The following MED26 variants were observed in gnomAD, a reference collection of about 807,000 sequenced individuals.
MED26 encodes mediator of RNA polymerase II transcription subunit 26.
In MED26, 7 loss-of-function variants were observed where a neutral mutation model predicts 43.7. The ratio of observed to expected loss-of-function variants is 0.16; its 90% CI spans 0.09 to 0.30. The LOEUF is 0.30. Ranked by LOEUF, MED26 falls within the 10% of genes least tolerant of loss-of-function variation. The pLI is 1.00. For missense variants in MED26, 784 were observed against 840.6 expected, an observed-to-expected ratio of 0.93 and a Z score of 0.83; for synonymous variants, 375 against 371.1, an observed-to-expected ratio of 1.01 and a Z score of -0.12.
chr19:16,609,660 T>C (rs2086190642), intron 1 of MED26, among the ~76,000 whole-genome samples: 1 of 151,850 alleles, frequency 6.6e-6, no homozygotes, highest in African/African-American at 2.4e-5. Context: ...GCTTCATTAT[T>C]TTGAAGTGCT....
chr19:16,590,124 G>A (rs999160326), intron 1 of MED26, among the ~76,000 whole-genome samples: 2 of 151,382 alleles, frequency 1.3e-5, no homozygotes, highest in Non-Finnish European at 3.0e-5. Context: ...AGTGTCCCCA[G>A]GAAGAAGTGA....
At chr19:16,594,620 G>A (rs942737699) in intron 1 of MED26, among the ~76,000 whole-genome samples, 1 of 152,124 alleles carries the variant, frequency 6.6e-6, no homozygotes, top group African/African-American at 2.4e-5. Context: ...CATGGAGAAG[G>A]TTCATTTTTC....
At chr19:16,621,378 C>T (rs556994392) in intron 1 of MED26, among the ~76,000 whole-genome samples, 49 of 152,344 alleles carry the variant, frequency 3.2e-4, no homozygotes, top group African/African-American at 1.2e-3. Context: ...CGTCTTGCAG[C>T]CTCTGCTGCC....
chr19:16,604,385 C>T (rs1477951510), intron 1 of MED26, among the ~76,000 whole-genome samples: 1 of 152,228 alleles, frequency 6.6e-6, no homozygotes, highest in Non-Finnish European at 1.5e-5. Context: ...AGGCCTTTAG[C>T]TGTAACTCAA....
At chr19:16,598,014 T>C (rs1474764094) in intron 1 of MED26, among the ~76,000 whole-genome samples, 1 of 151,520 alleles carries the variant, frequency 6.6e-6, no homozygotes, top group African/African-American at 2.4e-5. Flanking sequence ...CGCAAGCCAT[T>C]GTGCCCAGCC....
At chr19:16,602,172 C>T (rs1410435270) in intron 1 of MED26, among the ~76,000 whole-genome samples, 1 of 152,200 alleles carries the variant, frequency 6.6e-6, no homozygotes, top group African/African-American at 2.4e-5. Flanking sequence ...TGGCAGATCA[C>T]GCTGTACCCA....
At position 16,576,771 on chromosome 19, in the gene MED26, C is replaced by G. The variant is rs2086004652; in HGVS notation, c.1059G>C (p.Gly353=). ...EQPESHQRLA[G]PGCKAGLSPA... ...GGGACAGCCCTGCCTTGCAGCCCGG[C>G]CCCGCCAGCCGCTGGTGGCTCTCAG... The change falls in exon 3 of 3, where the codon GGG becomes GGC. Residue 353 remains glycine, a synonymous_variant. Coordinates refer to ENST00000263390, the MANE Select transcript of MED26 (RefSeq NM_004831.5). The surrounding 1 kb of genome is among the most constrained non-coding windows in gnomAD (Gnocchi z 6.8). 6.2e-7 allele frequency: 1 copy of G among 1,606,604 alleles called. No individual in the cohort carries two copies. Among genetic ancestry groups the G allele is most frequent in the Non-Finnish European group, 8.5e-7 (1 of 1,178,748 alleles).
At chr19:16,615,163 A>T (rs2086218385) in intron 1 of MED26, among the ~76,000 whole-genome samples, 1 of 152,210 alleles carries the variant, frequency 6.6e-6, no homozygotes, top group African/African-American at 2.4e-5. Flanking sequence ...TGCCTGCAAT[A>T]GTCAGAAGAC....
intron 1 of MED26, among the ~76,000 whole-genome samples, chr19:16,603,462 C>CT (rs1487746257): frequency 6.6e-6 from 1 of 151,906 alleles, no homozygotes; most frequent in Admixed American, 6.6e-5. Flanking sequence ...TGCTTGAGGG[C>CT]TTTTTTTAAA....
chr19:16,605,331 T>C (rs2086167725), intron 1 of MED26, among the ~76,000 whole-genome samples: 1 of 152,138 alleles, frequency 6.6e-6, no homozygotes, highest in African/African-American at 2.4e-5. Flanking sequence ...GGAAAGTCCC[T>C]AAGTATGGTT....
At position 16,587,798 on chromosome 19, in the gene MED26, C is replaced by T. The variant is rs1329089081; in HGVS notation, c.73-9389G>A. The stretch of plus-strand genomic sequence containing the variant: ...TCAGCCCGGGGGACGGGAAATGCCA[C>T]CTGAGTACAGGCAGCACGCGGAGCC... On this transcript the variant is annotated intron_variant, in intron 1 of 2. Transcript: ENST00000263390. This position sits in a 1 kb window ranked among gnomAD's most constrained non-coding sequence, Gnocchi z 4.9. 6.6e-6 allele frequency: 1 copy of T among 152,296 alleles called. No homozygotes were observed. Among genetic ancestry groups the T allele is most frequent in the African/African-American group, 2.4e-5 (1 of 41,464 alleles). The allele number at this position is 152,296 out of a possible 1,614,324, so 9.4% of individuals were successfully genotyped here. A position where few individuals can be genotyped will look rare whatever the true frequency, so the allele number is the denominator to read the frequency against.
At chr19:16,582,206 G>C (rs1054540987) in intron 1 of MED26, among the ~76,000 whole-genome samples, 3 of 152,246 alleles carry the variant, frequency 2.0e-5, no homozygotes, top group African/African-American at 7.2e-5. Flanking sequence ...CAGAGCTAAG[G>C]ATGGGGGCAA....
chr19:16,601,062 C>A (rs1298602373), intron 1 of MED26, among the ~76,000 whole-genome samples: 1 of 152,016 alleles, frequency 6.6e-6, no homozygotes, highest in Non-Finnish European at 1.5e-5. Context: ...TGCACTCCAG[C>A]CCTTTTACAA....
chr19:16,582,654 CCTG>C (rs1196055660), intron 1 of MED26, among the ~76,000 whole-genome samples: 1 of 152,204 alleles, frequency 6.6e-6, no homozygotes, highest in African/African-American at 2.4e-5. Context: ...TGACTCCAGG[CCTG>C]CTAAGTCCAG....
At chr19:16,580,007 G>C (rs2086036654) in intron 1 of MED26, among the ~76,000 whole-genome samples, 1 of 152,144 alleles carries the variant, frequency 6.6e-6, no homozygotes, top group African/African-American at 2.4e-5. Context: ...GAATGCTGTG[G>C]GACACTTAGG....
intron 1 of MED26, among the ~76,000 whole-genome samples, chr19:16,602,160 T>C (rs537174322): frequency 3.3e-5 from 5 of 152,344 alleles, no homozygotes; most frequent in Admixed American, 1.3e-4. Context: ...AGCACAGACT[T>C]TTGGCAGATC....
chr19:16,584,263 AAAAG>A (rs1174138919), intron 1 of MED26, among the ~76,000 whole-genome samples: 2 of 151,726 alleles, frequency 1.3e-5, no homozygotes, highest in East Asian at 1.9e-4. Context: ...AAAAAAAAGA[AAAAG>A]AAAAAAAAAA....
chr19:16,599,046 G>A (rs570141703), intron 1 of MED26, among the ~76,000 whole-genome samples: 3 of 152,332 alleles, frequency 2.0e-5, no homozygotes, highest in Admixed American at 2.0e-4. Context: ...GACAGCTCCT[G>A]GAGGGCCTCA....
chr19:16,589,413 T>C (rs1245991157), intron 1 of MED26: 1 of 152,240 alleles, frequency 6.6e-6, no homozygotes, highest in East Asian at 1.9e-4. Context: ...GAACACCGAA[T>C]AAATAAATCA....
Sources: allele counts gnomAD v4.1 joint callset (sites outside exome capture counted in the v4.1 genomes callset), GRCh38; gene constraint gnomAD v4.1.1; non-coding constraint Gnocchi (gnomAD v3.1); transcripts MANE v1.5; gene names NCBI Gene and HGNC (gene_info 2026-07-23, HGNC 2026-07-21).